The following JAK2 variants were observed in gnomAD, a reference collection of about 807,000 sequenced individuals.
The protein encoded by JAK2 is tyrosine-protein kinase JAK2.
JAK2 carries 86 observed loss-of-function variants against 139.3 expected under a neutral mutation model. The observed-to-expected ratio is 0.62, with a 90% confidence interval of 0.52 to 0.74. JAK2 has a LOEUF of 0.74. Among genes scored for constraint, JAK2 ranks in the 30% least tolerant of loss-of-function variants. The pLI is 0.00. For missense variants in JAK2, 1,421 were observed against 1,360.3 expected (o/e 1.04, Z -0.70); for synonymous variants, 490 against 437.7 (o/e 1.12, Z -1.49).
intron 3 of JAK2, among the ~76,000 whole-genome samples, chr9:5,023,258 T>C (rs1822553308): frequency 6.6e-6 from 1 of 152,242 alleles, no homozygotes; most frequent in East Asian, 1.9e-4. Flanking sequence ...ACTTGTTATA[T>C]TTGTCTTTCA....
chr9:5,032,788 G>C (rs1013691807), intron 4 of JAK2, among the ~76,000 whole-genome samples: 6 of 152,154 alleles, frequency 3.9e-5, no homozygotes, highest in Admixed American at 2.6e-4. Flanking sequence ...AAACCACAAA[G>C]ATGGGGAAAA....
intron 22 of JAK2, chr9:5,114,186 G>T: frequency 2.2e-6 from 1 of 456,690 alleles, no homozygotes; most frequent in East Asian, 5.1e-5. Context: ...CCCGCAAGGG[G>T]TGAGCACCTA....
rs1172698593 is a variant in JAK2, at chr9:5,077,719, A to G, written c.1992+139A>G. The G allele has an allele frequency of 6.2e-6, 3 of 484,256 alleles. No homozygotes were observed. The East Asian group carries it at 1.2e-4, about 19-fold the overall frequency. The allele number at this position is 484,256 out of a possible 1,614,324, so 30.0% of individuals were successfully genotyped here. A position where few individuals can be genotyped will look rare whatever the true frequency, so the allele number is the denominator to read the frequency against. ...AAAATAGTCTGTGTTAGGTGATAAA[A>G]AGAGATTACTTTAGGCATATGTTTA... On this transcript the variant is annotated intron_variant, in intron 15 of 24. Transcript: ENST00000381652.
At chr9:5,064,350 C>T (rs901836235) in intron 8 of JAK2, among the ~76,000 whole-genome samples, 8 of 151,910 alleles carry the variant, frequency 5.3e-5, no homozygotes, top group South Asian at 2.1e-4. Flanking sequence ...GCCAACATGG[C>T]GAGAACCTGT....
At chr9:5,110,851 G>A in intron 22 of JAK2, 2 of 472,452 alleles carry the variant, frequency 4.2e-6, no homozygotes, top group Non-Finnish European at 8.2e-6. Flanking sequence ...TGGGGGGGAC[G>A]CTTCATGCCG....
chr9:5,034,824 G>C (rs1163304692), intron 4 of JAK2, among the ~76,000 whole-genome samples: 1 of 152,096 alleles, frequency 6.6e-6, no homozygotes, highest in Non-Finnish European at 1.5e-5. Context: ...ACAATTAAAA[G>C]AACTAGAAAA....
intron 4 of JAK2, among the ~76,000 whole-genome samples, chr9:5,030,791 T>C (rs1823093305): frequency 6.6e-6 from 1 of 152,144 alleles, no homozygotes; most frequent in Admixed American, 6.5e-5. Context: ...TATAAAAATA[T>C]GCAGTTGGAT....
At chr9:5,075,074 T>C (rs1245285017) in intron 14 of JAK2, among the ~76,000 whole-genome samples, 1 of 152,208 alleles carries the variant, frequency 6.6e-6, no homozygotes, top group African/African-American at 2.4e-5. Context: ...TAGAGCAAGA[T>C]CTTAATGCTC....
At chr9:5,122,147 T>G (rs866286508) in intron 22 of JAK2, among the ~76,000 whole-genome samples, 1 of 152,076 alleles carries the variant, frequency 6.6e-6, no homozygotes, top group Non-Finnish European at 1.5e-5. Context: ...AAATGGGATT[T>G]TGAAGGAGAG....
intron 22 of JAK2, chr9:5,108,090 C>G (rs1410611619): frequency 1.3e-5 from 2 of 152,110 alleles, no homozygotes; most frequent in Non-Finnish European, 2.9e-5. Context: ...CACTAGTTTT[C>G]TCTTCTGATC....
chr9:5,077,342 A>G (rs575079813), intron 14 of JAK2, 111 bp from the exon 15 acceptor site: 103 of 385,514 alleles, frequency 2.7e-4, no homozygotes, highest in African/African-American at 1.6e-3. Flanking sequence ...AGTTTTGCCA[A>G]TTTAATTTCT....
chr9:5,005,972 T>G (rs1299106557), intron 2 of JAK2, among the ~76,000 whole-genome samples: 1 of 152,230 alleles, frequency 6.6e-6, no homozygotes, highest in African/African-American at 2.4e-5. Context: ...GACCTGGCGA[T>G]GCAGGCTCTT....
intron 4 of JAK2, among the ~76,000 whole-genome samples, chr9:5,032,066 C>T (rs972127602): frequency 5.9e-5 from 9 of 152,240 alleles, no homozygotes; most frequent in Non-Finnish European, 1.0e-4. Flanking sequence ...CACTCTAATA[C>T]TGCGCTATTC....
intron 4 of JAK2, among the ~76,000 whole-genome samples, chr9:5,030,498 T>C (rs1417125920): frequency 6.6e-6 from 1 of 152,104 alleles, no homozygotes; most frequent in Non-Finnish European, 1.5e-5. Context: ...ATATATATAA[T>C]TCATCATAAC....
At chr9:5,032,434 G>T (rs546790137) in intron 4 of JAK2, among the ~76,000 whole-genome samples, 3 of 152,220 alleles carry the variant, frequency 2.0e-5, no homozygotes, top group African/African-American at 7.2e-5. Context: ...ATCTGAGAAC[G>T]GACAGACTGC....
At chr9:5,111,393 C>A in intron 22 of JAK2, 2 of 403,130 alleles carry the variant, frequency 5.0e-6, no homozygotes. Context: ...CGGACAGAGG[C>A]GGACAGCGGC....
At chr9:5,016,548 A>G (rs1822071826) in intron 2 of JAK2, among the ~76,000 whole-genome samples, 1 of 152,230 alleles carries the variant, frequency 6.6e-6, no homozygotes, top group Non-Finnish European at 1.5e-5. Flanking sequence ...AAATTTAAAA[A>G]TGTAAGTAAA....
At chr9:5,097,337 C>G (rs1007872997) in intron 22 of JAK2, 4 of 152,142 alleles carry the variant, frequency 2.6e-5, no homozygotes, top group African/African-American at 9.7e-5. Context: ...GGGGGTGATC[C>G]TATCTTATAT....
Position 5,126,964 on chromosome 9 carries a change from T to C in JAK2, c.*173T>C. On this transcript the variant is annotated 3_prime_UTR_variant, in exon 25 of 25. Coordinates refer to ENST00000381652, the MANE Select transcript of JAK2 (RefSeq NM_004972.4). Reference sequence around the variant, plus strand: ...TCAAAGTTTAGTAAGTTTTTCTTCATGAGGCCACCAGTAAAAGACATTAAT... The same window carrying C: ...TCAAAGTTTAGTAAGTTTTTCTTCACGAGGCCACCAGTAAAAGACATTAAT... 1 of 388,176 alleles carries C rather than the reference T, an allele frequency of 2.6e-6. No individual in the cohort carries two copies. Among genetic ancestry groups the C allele is most frequent in the Non-Finnish European group, 4.6e-6 (1 of 217,744 alleles). 24.0% of individuals were successfully genotyped at this position (388,176 alleles called of 1,614,324 possible).
Sources: gnomAD v4.1 joint callset for allele counts (sites outside exome capture counted in the v4.1 genomes callset) on GRCh38, gnomAD v4.1.1 for gene constraint, MANE v1.5 for transcripts, NCBI Gene and HGNC (gene_info 2026-07-23, HGNC 2026-07-21) for gene names.